ACSM1: variants seen among roughly 807,000 people sequenced by gnomAD.
The protein encoded by ACSM1 is acyl-CoA synthetase medium chain family member 1, also known as acyl-coenzyme A synthetase ACSM1, mitochondrial.
Under a neutral mutation model 75.8 loss-of-function variants are expected in ACSM1, and 79 were observed. The ratio of observed to expected loss-of-function variants is 1.04; its 90% CI spans 0.87 to 1.26. The LOEUF (loss-of-function observed/expected upper bound fraction) is 1.26. Among genes scored for constraint, ACSM1 ranks in the 50% most tolerant of loss-of-function variants. The pLI is 0.00. For synonymous variants in ACSM1, 279 were observed against 265.8 expected (o/e 1.05, Z -0.48); for missense variants, 676 against 720.1 (o/e 0.94, Z 0.70).
intron 4 of ACSM1, among the ~76,000 whole-genome samples, chr16:20,674,267 G>A (rs972532074): frequency 3.3e-5 from 5 of 152,172 alleles, no homozygotes; most frequent in African/African-American, 1.2e-4. Context: ...CCTTTCCCAG[G>A]CATTGTGAAG....
chr16:20,656,586 A>G (rs1317056468), intron 7 of ACSM1, among the ~76,000 whole-genome samples: 1 of 152,208 alleles, frequency 6.6e-6, no homozygotes, highest in Non-Finnish European at 1.5e-5. Context: ...TGGTTAAGAA[A>G]CATTTAAGAG....
chr16:20,687,456 A>G (rs961706400), intron 2 of ACSM1, among the ~76,000 whole-genome samples: 1 of 152,194 alleles, frequency 6.6e-6, no homozygotes, highest in East Asian at 1.9e-4. Flanking sequence ...AAGCCTTCAC[A>G]CTATGAAGAT....
intron 7 of ACSM1, among the ~76,000 whole-genome samples, chr16:20,661,015 G>A (rs956417537): frequency 6.6e-6 from 1 of 152,104 alleles, no homozygotes; most frequent in African/African-American, 2.4e-5. Context: ...AAGATAGTAT[G>A]GTATTGTGTT....
chr16:20,634,429 T>C (rs1254084963), intron 10 of ACSM1, among the ~76,000 whole-genome samples: 1 of 152,024 alleles, frequency 6.6e-6, no homozygotes, highest in Admixed American at 6.6e-5. Flanking sequence ...ATAAGCAAAA[T>C]GTGGAAATAA....
intron 5 of ACSM1, 127 bp downstream of exon 5, chr16:20,671,404 G>T: frequency 1.0e-6 from 1 of 999,362 alleles, no homozygotes. Flanking sequence ...GGGAAAAGGA[G>T]TATGTAGTCA....
rs1304728027 is a variant in ACSM1, at chr16:20,669,875, T to C, written c.864A>G (p.Thr288=). The change falls in exon 6 of 14, where the codon ACA becomes ACG. Residue 288 remains threonine, a synonymous_variant. Coordinates refer to ENST00000520010, the MANE Select transcript of ACSM1 (RefSeq NM_001318890.3). ...ACTGTGGCAGATGGTGGATAAAGAC[T>C]GTACAACCCGCTGTCCATGGTTCTA... ...TLVEPWTAGC[T]VFIHHLPQFD... is the part of the protein sequence containing the mutation. 1 of 1,614,038 alleles carries C rather than the reference T, an allele frequency of 6.2e-7. No homozygotes were observed. Among genetic ancestry groups the C allele is most frequent in the Non-Finnish European group, 8.5e-7 (1 of 1,179,926 alleles).
At position 20,675,614 on chromosome 16, in the gene ACSM1, G is replaced by C. The variant is rs989518358; in HGVS notation, c.612-3943C>G. ...AAAAAGGATTTAGAGCTGATTATGG[G>C]ATGAAACTGGATGTTCAAAAGTTAA... On this transcript the variant is annotated intron_variant, in intron 4 of 13. Coordinates refer to ENST00000520010, the MANE Select transcript of ACSM1 (RefSeq NM_001318890.3). Among the ~76,000 whole-genome samples the C allele has an allele frequency of 1.5e-4, 23 of 152,320 alleles. No individual in the cohort carries two copies. In the East Asian group the frequency reaches 4.4e-3, roughly 29 times the overall value.
chr16:20,672,711 A>T (rs1344641403), intron 4 of ACSM1, among the ~76,000 whole-genome samples: 1 of 126,630 alleles, frequency 7.9e-6, no homozygotes, highest in African/African-American at 3.2e-5. Flanking sequence ...ATATATACAT[A>T]TACATGTATA....
chr16:20,697,521 C>A (rs1442994210), intron 1 of ACSM1, 115 bp downstream of exon 1: 1 of 148,696 alleles, frequency 6.7e-6, no homozygotes, highest in Non-Finnish European at 1.5e-5. Context: ...GGTCACTCAA[C>A]TTAAAAGTAG....
intron 13 of ACSM1, among the ~76,000 whole-genome samples, 167 bp from the exon 14 acceptor site, chr16:20,623,739 A>C (rs2016747496): frequency 6.6e-6 from 1 of 152,194 alleles, no homozygotes; most frequent in African/African-American, 2.4e-5. Context: ...GGCCCCTAGA[A>C]GGTGGATGTA....
intron 4 of ACSM1, among the ~76,000 whole-genome samples, chr16:20,673,127 T>C (rs1567297437): frequency 6.7e-6 from 1 of 148,188 alleles, no homozygotes; most frequent in Non-Finnish European, 1.5e-5. Flanking sequence ...ATATATTATA[T>C]ATAAAATTAC....
Position 20,671,610 on chromosome 16 carries a change from A to G in ACSM1, c.673T>C (p.Phe225Leu). The G allele has an allele frequency of 6.2e-7, 1 of 1,613,832 alleles. No individual in the cohort carries two copies. Among genetic ancestry groups the G allele is most frequent in the Non-Finnish European group, 8.5e-7 (1 of 1,179,834 alleles). Reference sequence around the variant, plus strand: ...GGGAAGCCTGTGGTCCCACTGGTGAAGAAGATGACCATTGGGTCCAAGGTC... The same window carrying G: ...GGGAAGCCTGTGGTCCCACTGGTGAGGAAGATGACCATTGGGTCCAAGGTC... ...SKTLDPMVIF[F>L]TSGTTGFPKM... is the part of the protein sequence containing the mutation. Residue 225 changes from phenylalanine (F) to leucine (L), a missense_variant, in exon 5 of 14, where the codon TTC becomes CTC. Physicochemically the swap from Phe to Leu is conservative, Grantham distance 22. Transcript: ENST00000520010.
At chr16:20,688,076 C>G (rs554781267) in intron 2 of ACSM1, among the ~76,000 whole-genome samples, 43 of 149,338 alleles carry the variant, frequency 2.9e-4, no homozygotes, top group Non-Finnish European at 5.6e-4. Context: ...CTAAGCAAAA[C>G]TCTGTCTCAA....
At chr16:20,682,202 A>G in intron 4 of ACSM1, 54 bp downstream of exon 4, 27 of 1,570,574 alleles carry the variant, frequency 1.7e-5, no homozygotes, top group Non-Finnish European at 2.4e-5. Flanking sequence ...TGATTCCTAA[A>G]TTATCCCACA....
rs544118694 is a variant in ACSM1, at chr16:20,675,814, G to A, written c.612-4143C>T. Among the ~76,000 whole-genome samples, 153 of 152,328 alleles carry A rather than the reference G, an allele frequency of 1.0e-3. No homozygotes were observed. In the Middle Eastern group the frequency reaches 0.01, roughly 10 times the overall value. On this transcript the variant is annotated intron_variant, in intron 4 of 13. Coordinates refer to ENST00000520010, the MANE Select transcript of ACSM1 (RefSeq NM_001318890.3). Reference sequence around the variant, plus strand: ...TAAATGAATGCAGCCCTGCCTAGCAGTTTATTGTAGAACGTTCACAGCTCA... The same window carrying A: ...TAAATGAATGCAGCCCTGCCTAGCAATTTATTGTAGAACGTTCACAGCTCA...
chr16:20,696,793 G>A (rs1333249355), intron 1 of ACSM1, among the ~76,000 whole-genome samples: 1 of 152,118 alleles, frequency 6.6e-6, no homozygotes, highest in Non-Finnish European at 1.5e-5. Flanking sequence ...ACAGGACTTG[G>A]GACTGATAAA....
At chr16:20,678,513 G>A (rs965141656) in intron 4 of ACSM1, among the ~76,000 whole-genome samples, 2 of 152,166 alleles carry the variant, frequency 1.3e-5, no homozygotes, top group African/African-American at 4.8e-5. Flanking sequence ...TGTGATGGGG[G>A]CTATCAGTAC....
chr16:20,629,087 G>A (rs1031581473), intron 10 of ACSM1, among the ~76,000 whole-genome samples: 1 of 152,200 alleles, frequency 6.6e-6, no homozygotes, highest in South Asian at 2.1e-4. Flanking sequence ...GAAGTCTCAA[G>A]AGGAAGACAT....
intron 7 of ACSM1, among the ~76,000 whole-genome samples, chr16:20,640,920 AT>A (rs1402673966): frequency 3.3e-5 from 5 of 152,218 alleles, no homozygotes; most frequent in African/African-American, 1.2e-4. Context: ...TAAGAAGGAC[AT>A]TTTTATAATC....
Sources: allele counts gnomAD v4.1 joint callset (sites outside exome capture counted in the v4.1 genomes callset), GRCh38; gene constraint gnomAD v4.1.1; transcripts MANE v1.5; gene names NCBI Gene and HGNC (gene_info 2026-07-23, HGNC 2026-07-21).